Variants in PHYH observed in about 807,000 individuals in gnomAD.
PHYH encodes the protein phytanoyl-CoA 2-hydroxylase, also known as phytanoyl-CoA dioxygenase, peroxisomal.
Under a neutral mutation model 38.5 loss-of-function variants are expected in PHYH, and 32 were observed. The ratio of observed to expected loss-of-function variants is 0.83; its 90% CI spans 0.63 to 1.12. The LOEUF is 1.12. Ranked by LOEUF, PHYH falls within the 50% of genes most tolerant of loss-of-function variation. The pLI is 0.00. For synonymous variants in PHYH, 166 were observed against 157.9 expected (o/e 1.05, Z -0.38); for missense variants, 426 against 434.8 (o/e 0.98, Z 0.18).
intron 6 of PHYH, among the ~76,000 whole-genome samples, chr10:13,287,196 G>C (rs1021262836): frequency 9.2e-5 from 14 of 151,876 alleles, no homozygotes; most frequent in African/African-American, 3.4e-4. Flanking sequence ...AAAATTAGCT[G>C]GGTGTGGTGG....
Position 13,295,614 on chromosome 10 carries a change from AG to A in PHYH, c.135-9del. 2 of 1,058,002 alleles carry A rather than the reference AG, an allele frequency of 1.9e-6. No homozygotes were observed. Among genetic ancestry groups the A allele is most frequent in the East Asian group, 4.7e-5 (2 of 42,448 alleles). The allele number at this position is 1,058,002 out of a possible 1,614,324, so 65.5% of individuals were successfully genotyped here. ...TTATTATCCAGAGTATACCTAAAGG[AG>A]AAAAAGAATCCCAAAATAAGTTACA... On this transcript the variant is annotated splice_polypyrimidine_tract_variant and intron_variant, in intron 2 of 8. Coordinates refer to ENST00000263038, the MANE Select transcript of PHYH (RefSeq NM_006214.4).
intron 6 of PHYH, among the ~76,000 whole-genome samples, chr10:13,284,448 C>T (rs970042647): frequency 9.9e-5 from 15 of 152,164 alleles, no homozygotes; most frequent in Admixed American, 5.2e-4. Context: ...GAAGATCTAG[C>T]TTAGCTTTGC....
Position 13,295,931 on chromosome 10 carries a change from G to A in PHYH, c.135-325C>T, listed in dbSNP as rs151217066. Among the ~76,000 whole-genome samples the A allele has an allele frequency of 1.9e-3, 287 of 152,280 alleles. 1 individual carries two copies. Among genetic ancestry groups the A allele is most frequent in the African/African-American group, 6.6e-3 (274 of 41,560 alleles). ...GCCTATAATCCCAGCACTTTGGGAG[G>A]CCGAGGCAGGTGGATCGCCTGAGGT... On this transcript the variant is annotated intron_variant, in intron 2 of 8. Coordinates refer to ENST00000263038, the MANE Select transcript of PHYH (RefSeq NM_006214.4).
At chr10:13,297,161 C>A (rs529865672) in intron 2 of PHYH, among the ~76,000 whole-genome samples, 2 of 152,152 alleles carry the variant, frequency 1.3e-5, no homozygotes, top group East Asian at 3.9e-4. Context: ...CCTTCTATTT[C>A]TCTGATGTTT....
chr10:13,286,101 G>C (rs568951435), intron 6 of PHYH, among the ~76,000 whole-genome samples: 1 of 151,808 alleles, frequency 6.6e-6, no homozygotes, highest in Non-Finnish European at 1.5e-5. Context: ...TTTTAGAAAT[G>C]AGACCTCACC....
In PHYH at chr10:13,291,833, G is replaced by GA; in HGVS notation, c.493dup (p.Ser165PhefsTer66). ...TTTTTCTTCTCCCTTACAATTACCA[G>GA]AATCTGGAGGTTTGTTTATCAACAT... On this transcript the variant is annotated frameshift_variant, in exon 5 of 9. Transcript: ENST00000263038. LOFTEE classifies it high-confidence loss of function. 1 of 1,600,722 alleles carries GA rather than the reference G, an allele frequency of 6.2e-7. No homozygotes were observed. The highest frequency in any genetic ancestry group is 1.7e-4 in the Middle Eastern group (1 of 6,034).
At chr10:13,296,162 C>T (rs866387818) in intron 2 of PHYH, among the ~76,000 whole-genome samples, 14 of 151,598 alleles carry the variant, frequency 9.2e-5, no homozygotes, top group African/African-American at 2.9e-4. Flanking sequence ...AGCCAGACTC[C>T]GTCTCAAAAA....
chr10:13,297,761 C>G (rs1024228255), intron 2 of PHYH, among the ~76,000 whole-genome samples: 1 of 151,292 alleles, frequency 6.6e-6, no homozygotes, highest in African/African-American at 2.4e-5. Context: ...GGTGCCCGGC[C>G]ACAAGTTAAT....
chr10:13,281,399 G>GT lies in PHYH; in HGVS notation c.829-290dup, dbSNP rs11430020. Among the ~76,000 whole-genome samples the GT allele has an allele frequency of 0.31, 44,478 of 144,858 alleles. 6,675 individuals are homozygous for GT. Among genetic ancestry groups the GT allele is most frequent in the African/African-American group, 0.37 (14,737 of 40,014 alleles). On this transcript the variant is annotated intron_variant, in intron 7 of 8. Transcript: ENST00000263038. ...GAATTATGTCAGTAAGAGGTATTTA[G>GT]TTTTTTTTTTTTTTAGCATTTTATT...
At chr10:13,295,392 A>C in intron 3 of PHYH, 104 bp downstream of exon 3, 1 of 739,520 alleles carries the variant, frequency 1.4e-6, no homozygotes, top group Non-Finnish European at 2.5e-6. Context: ...CAACAAACCA[A>C]ATCATTAAAA....
intron 5 of PHYH, among the ~76,000 whole-genome samples, chr10:13,289,477 G>A (rs1835649949): frequency 6.6e-6 from 1 of 151,788 alleles, no homozygotes; most frequent in Non-Finnish European, 1.5e-5. Flanking sequence ...TTCCAGGCGT[G>A]AGCCACCACG....
intron 1 of PHYH, among the ~76,000 whole-genome samples, chr10:13,298,921 AAAATAATAATAAT>A (rs369335725): frequency 0.39 from 32,613 of 83,856 alleles, 3,921 homozygotes; most frequent in South Asian, 0.46. Context: ...CTCCGTCTCA[AAAATAATAATAAT>A]AATAATAATA....
intron 7 of PHYH, 110 bp downstream of exon 7, chr10:13,283,580 A>T: frequency 1.8e-6 from 2 of 1,139,244 alleles, no homozygotes; most frequent in Non-Finnish European, 1.3e-6. Context: ...TTAAAATGTT[A>T]ATGCAATTTA....
At chr10:13,283,114 C>T (rs1314473061) in intron 7 of PHYH, among the ~76,000 whole-genome samples, 1 of 147,388 alleles carries the variant, frequency 6.8e-6, no homozygotes, top group Non-Finnish European at 1.5e-5. Flanking sequence ...AGCCACTGCA[C>T]CTGGCTTTCA....
At chr10:13,298,721 T>C (rs868334053) in intron 1 of PHYH, among the ~76,000 whole-genome samples, 4 of 75,250 alleles carry the variant, frequency 5.3e-5, no homozygotes, top group African/African-American at 2.0e-4. Context: ...CTACCACCAC[T>C]ACTACTACTA....
intron 6 of PHYH, among the ~76,000 whole-genome samples, chr10:13,285,666 G>A (rs1290920354): frequency 2.1e-5 from 3 of 146,312 alleles, no homozygotes; most frequent in African/African-American, 7.6e-5. Context: ...ATGCAGTGGC[G>A]CGATCTCAGC....
At chr10:13,293,459 G>C (rs1374188585) in intron 4 of PHYH, among the ~76,000 whole-genome samples, 1 of 151,908 alleles carries the variant, frequency 6.6e-6, no homozygotes, top group Non-Finnish European at 1.5e-5. Context: ...CCGCCACCAT[G>C]CCCAGCTAAT....
chr10:13,290,176 T>TTA (rs1835672222), intron 5 of PHYH, among the ~76,000 whole-genome samples: 1 of 133,584 alleles, frequency 7.5e-6, no homozygotes, highest in African/African-American at 2.8e-5. Context: ...GCACCTGTAA[T>TTA]CCCAGCTATT....
chr10:13,297,721 C>T (rs752971570), intron 2 of PHYH, among the ~76,000 whole-genome samples: 2 of 151,874 alleles, frequency 1.3e-5, no homozygotes, highest in Non-Finnish European at 2.9e-5. Context: ...CTTGGCCTCC[C>T]AAAGTGCTGG....
Sources: allele counts gnomAD v4.1 joint callset (sites outside exome capture counted in the v4.1 genomes callset), GRCh38; gene constraint gnomAD v4.1.1; transcripts MANE v1.5; gene names NCBI Gene and HGNC (gene_info 2026-07-23, HGNC 2026-07-21).